Variants in PAX5 observed in about 807,000 individuals in gnomAD.
PAX5 encodes the protein paired box protein Pax-5.
In PAX5, 9 loss-of-function variants were observed where a neutral mutation model predicts 43.7. That is an observed-to-expected ratio of 0.21 (90% CI 0.12 to 0.36). PAX5 has a LOEUF of 0.36. Among genes scored for constraint, PAX5 ranks in the 10% least tolerant of loss-of-function variants. PAX5 has a pLI of 1.00. For missense variants in PAX5, 383 were observed against 532.7 expected, an observed-to-expected ratio of 0.72 and a Z score of 2.77; for synonymous variants, 228 against 214.3, an observed-to-expected ratio of 1.06 and a Z score of -0.56.
chr9:36,898,564 C>T (rs1347624192), intron 7 of PAX5, among the ~76,000 whole-genome samples: 2 of 152,222 alleles, frequency 1.3e-5, no homozygotes, highest in Non-Finnish European at 2.9e-5. Context: ...AGAATTAAAA[C>T]ATGCAATCAA....
At chr9:36,852,619 C>T (rs1380832257) in intron 8 of PAX5, among the ~76,000 whole-genome samples, 1 of 152,224 alleles carries the variant, frequency 6.6e-6, no homozygotes, top group Non-Finnish European at 1.5e-5. Context: ...CGGGCTGGGG[C>T]AGAAGGAACG....
At chr9:37,013,880 G>A (rs576262596) in intron 3 of PAX5, among the ~76,000 whole-genome samples, 1 of 152,330 alleles carries the variant, frequency 6.6e-6, no homozygotes, top group African/African-American at 2.4e-5. Flanking sequence ...CACTCCCACA[G>A]CGATCTGTGC....
intron 5 of PAX5, among the ~76,000 whole-genome samples, chr9:36,973,356 G>T (rs1424109121): frequency 6.6e-6 from 1 of 152,124 alleles, no homozygotes; most frequent in Non-Finnish European, 1.5e-5. Flanking sequence ...GAAGATGGGG[G>T]ACAGAGCAGG....
At chr9:36,869,831 GATGGATGGATGGATAA>G (rs1230938892) in intron 8 of PAX5, among the ~76,000 whole-genome samples, 8 of 144,460 alleles carry the variant, frequency 5.5e-5, no homozygotes, top group Non-Finnish European at 1.2e-4. Flanking sequence ...TGGATGAATA[GATGGATGGATGGATAA>G]ATGGATGGAT....
At position 36,946,115 on chromosome 9, in the gene PAX5, G is replaced by A. The variant is rs534579410; in HGVS notation, c.780+20434C>T. Among the ~76,000 whole-genome samples the A allele has an allele frequency of 5.3e-5, 8 of 152,092 alleles. No individual in the cohort carries two copies. In the East Asian group the frequency reaches 1.4e-3, roughly 26 times the overall value. On this transcript the variant is annotated intron_variant, in intron 6 of 9. Coordinates refer to ENST00000358127, the MANE Select transcript of PAX5 (RefSeq NM_016734.3). ...AGGATGCAGTGCTCCATCAGGAAGC[G>A]ACTCCCTGAGGAGTGCTCTGTCAGG...
chr9:36,903,086 G>A (rs1306058830), intron 7 of PAX5, among the ~76,000 whole-genome samples: 3 of 152,208 alleles, frequency 2.0e-5, no homozygotes, highest in Admixed American at 2.0e-4. Flanking sequence ...TGGAGGATAA[G>A]AAAGCAGGAA....
chr9:37,028,803 C>T (rs1239297287), intron 1 of PAX5, among the ~76,000 whole-genome samples: 2 of 152,236 alleles, frequency 1.3e-5, no homozygotes, highest in African/African-American at 4.8e-5. Context: ...AACTGACCTT[C>T]CCTCTACAGG....
At position 37,011,140 on chromosome 9, in the gene PAX5, A is replaced by G. The variant is rs558262760; in HGVS notation, c.410+3857T>C. Among the ~76,000 whole-genome samples the G allele has an allele frequency of 8.8e-4, 133 of 151,880 alleles. 2 individuals are homozygous for G. Among genetic ancestry groups the G allele is most frequent in the Admixed American group, 1.5e-3 (23 of 15,266 alleles). ...TGTCTCAAAAAAACAAAAAAAAAAA[A>G]AAAAAAAGAAAGAGGAAATGGATAA... On this transcript the variant is annotated intron_variant, in intron 3 of 9. Transcript: ENST00000358127.
At chr9:36,889,176 T>A (rs1190979971) in intron 7 of PAX5, among the ~76,000 whole-genome samples, 1 of 47,332 alleles carries the variant, frequency 2.1e-5, no homozygotes, top group Non-Finnish European at 8.3e-5. Context: ...AGCTCCAGCC[T>A]CCTTGGAGTT....
chr9:36,976,436 T>C (rs1470877120), intron 5 of PAX5, among the ~76,000 whole-genome samples: 1 of 152,082 alleles, frequency 6.6e-6, no homozygotes, highest in Non-Finnish European at 1.5e-5. Context: ...AGGTAAGAGA[T>C]GGGATTCCGG....
At chr9:36,889,013 A>T (rs1004733733) in intron 7 of PAX5, among the ~76,000 whole-genome samples, 4 of 152,216 alleles carry the variant, frequency 2.6e-5, no homozygotes, top group Non-Finnish European at 5.9e-5. Flanking sequence ...ATAATTGGAA[A>T]AAGAGGGTAT....
chr9:36,887,197 C>T (rs949292432), intron 7 of PAX5, among the ~76,000 whole-genome samples: 2 of 152,144 alleles, frequency 1.3e-5, no homozygotes, highest in Non-Finnish European at 2.9e-5. Context: ...CTCCCAGATG[C>T]TAAAACATTC....
chr9:36,846,962 C>G (rs2131592356), intron 8 of PAX5, 33 bp from the exon 9 acceptor site: 1 of 1,499,688 alleles, frequency 6.7e-7, no homozygotes, highest in Non-Finnish European at 9.3e-7. Context: ...GAAACAGGAA[C>G]CAAACGTCAA....
intron 8 of PAX5, among the ~76,000 whole-genome samples, chr9:36,865,471 G>C (rs1405595390): frequency 3.9e-5 from 6 of 152,186 alleles, no homozygotes; most frequent in Non-Finnish European, 8.8e-5. Flanking sequence ...CAGCACCCAG[G>C]AGGGACTCAG....
At position 37,024,927 on chromosome 9, in the gene PAX5, C is replaced by T. The variant is rs536654866; in HGVS notation, c.47-4126G>A. Among the ~76,000 whole-genome samples, 6 of 152,292 alleles carry T rather than the reference C, an allele frequency of 3.9e-5. No homozygotes were observed. The South Asian group carries it at 1.2e-3, about 32-fold the overall frequency. On this transcript the variant is annotated intron_variant, in intron 1 of 9. Transcript: ENST00000358127. ...GAGAGAAGTGCAGGGGCTGGTGCTC[C>T]CCATCTGTCCCCACAGTTGCTCCTT...
At chr9:36,871,487 A>G (rs1395923474) in intron 8 of PAX5, among the ~76,000 whole-genome samples, 2 of 152,170 alleles carry the variant, frequency 1.3e-5, no homozygotes, top group African/African-American at 4.8e-5. Context: ...TTGACCCTGC[A>G]TCAGCCACCC....
rs1368567138 is a variant in PAX5, at chr9:36,973,068, A to AGGAACGGAACGGAACGGAAC, written c.605-6345_605-6344insGTTCCGTTCCGTTCCGTTCC. Reference sequence around the variant, plus strand: ...AAAGAAAGAAAGAAAAGGAAAGGAAAGGAACGGAACGGAACGGAAAGGAAA... The same window carrying AGGAACGGAACGGAACGGAAC: ...AAAGAAAGAAAGAAAAGGAAAGGAAAGGAACGGAACGGAACGGAACGGAACGGAACGGAACGGAAAGGAAA... On this transcript the variant is annotated intron_variant, in intron 5 of 9. Coordinates refer to ENST00000358127, the MANE Select transcript of PAX5 (RefSeq NM_016734.3). 2.6e-4 allele frequency among the ~76,000 whole-genome samples: 29 copies of AGGAACGGAACGGAACGGAAC among 110,316 alleles called. 1 individual carries two copies. The highest frequency in any genetic ancestry group is 6.6e-4 in the African/African-American group (18 of 27,392). The allele number at this position is 110,316 out of a possible 152,430, so 72.4% of individuals were successfully genotyped here. A position where few individuals can be genotyped will look rare whatever the true frequency, so the allele number is the denominator to read the frequency against.
chr9:36,937,350 A>G (rs1831644750), intron 6 of PAX5, among the ~76,000 whole-genome samples: 6 of 152,158 alleles, frequency 3.9e-5, no homozygotes, highest in Admixed American at 3.3e-4. Flanking sequence ...GTGCGACTCC[A>G]GAGTCCAAGC....
intron 7 of PAX5, chr9:36,923,030 A>G (rs1396542663): frequency 1.4e-5 from 4 of 279,508 alleles, no homozygotes; most frequent in African/African-American, 8.7e-5. Flanking sequence ...CTCATGAAAG[A>G]AATAAACCCT....
Sources: allele counts gnomAD v4.1 joint callset (sites outside exome capture counted in the v4.1 genomes callset), GRCh38; gene constraint gnomAD v4.1.1; transcripts MANE v1.5; gene names NCBI Gene and HGNC (gene_info 2026-07-23, HGNC 2026-07-21).